ZNF385D: variants seen among roughly 807,000 people sequenced by gnomAD.
ZNF385D encodes the protein zinc finger protein 385D.
Under a neutral mutation model 35.8 loss-of-function variants are expected in ZNF385D, and 15 were observed. The observed-to-expected ratio is 0.42, with a 90% CI of 0.28 to 0.64. The LOEUF (loss-of-function observed/expected upper bound fraction) is 0.64. Among genes scored for constraint, ZNF385D ranks in the 30% least tolerant of loss-of-function variants. The probability of loss-of-function intolerance (pLI) is 0.23; values close to 1 mark genes in which losing one functional copy is unlikely to be tolerated. For missense variants in ZNF385D, 474 were observed against 494.6 expected (o/e 0.96, Z 0.39); for synonymous variants, 212 against 186.8 (o/e 1.13, Z -1.10).
intron 2 of ZNF385D, among the ~76,000 whole-genome samples, chr3:21,569,692 G>A (rs539179207): frequency 1.5e-4 from 22 of 151,444 alleles, no homozygotes; most frequent in Non-Finnish European, 2.1e-4. Flanking sequence ...ATTTTGCAGC[G>A]GCTGGCACAT....
At chr3:21,508,512 C>T (rs1428584078) in intron 4 of ZNF385D, among the ~76,000 whole-genome samples, 2 of 152,086 alleles carry the variant, frequency 1.3e-5, no homozygotes, top group African/African-American at 2.4e-5. Flanking sequence ...CTGCCTCCCC[C>T]TTCCAATTAC....
At chr3:21,494,616 C>T (rs189636947) in intron 4 of ZNF385D, among the ~76,000 whole-genome samples, 112 of 152,234 alleles carry the variant, frequency 7.4e-4, no homozygotes, top group African/African-American at 2.6e-3. Context: ...GTCAATTTTC[C>T]TAACTCAGAA....
intron 2 of ZNF385D, among the ~76,000 whole-genome samples, chr3:22,291,953 A>G (rs1021324007): frequency 6.6e-6 from 1 of 151,934 alleles, no homozygotes; most frequent in African/African-American, 2.4e-5. Flanking sequence ...ATCATGTTTT[A>G]TTCATATAAT....
intron 2 of ZNF385D, among the ~76,000 whole-genome samples, chr3:22,360,242 G>A (rs745894829): frequency 6.6e-6 from 1 of 151,872 alleles, no homozygotes; most frequent in Non-Finnish European, 1.5e-5. Context: ...TCTTTAAAAC[G>A]TGTGCCTGGT....
intron 2 of ZNF385D, among the ~76,000 whole-genome samples, chr3:22,194,907 T>G (rs947117367): frequency 9.2e-5 from 14 of 151,942 alleles, no homozygotes; most frequent in African/African-American, 3.1e-4. Context: ...TGAAGGACAC[T>G]AGCGTTTTTC....
At chr3:21,568,261 A>C (rs2063216972) in intron 2 of ZNF385D, among the ~76,000 whole-genome samples, 1 of 152,286 alleles carries the variant, frequency 6.6e-6, no homozygotes, top group African/African-American at 2.4e-5. Context: ...CTAAATAATA[A>C]CCAGTTCTGT....
chr3:22,042,169 T>A (rs921700474), intron 3 of ZNF385D, among the ~76,000 whole-genome samples: 1 of 152,100 alleles, frequency 6.6e-6, no homozygotes, highest in Non-Finnish European at 1.5e-5. Flanking sequence ...ACTACCTGGA[T>A]CCAAACTCTT....
In ZNF385D at chr3:22,034,828, C is replaced by T. The variant is rs557130645; in HGVS notation, c.325+133989G>A. On this transcript the variant is annotated intron_variant, in intron 3 of 5. Coordinates refer to the ZNF385D transcript ENST00000494108. ...AAATATTTTACATTTTAAAACTGTC[C>T]TTGATATTCTAGGTGAAAGAAATGT... Among the ~76,000 whole-genome samples, 7 of 151,870 alleles carry T rather than the reference C, an allele frequency of 4.6e-5. No individual in the cohort carries two copies. The South Asian group carries it at 1.5e-3, about 32-fold the overall frequency.
At chr3:21,873,891 T>C (rs1383008976) in intron 3 of ZNF385D, among the ~76,000 whole-genome samples, 2 of 152,128 alleles carry the variant, frequency 1.3e-5, no homozygotes, top group East Asian at 1.9e-4. Flanking sequence ...TCTCCATGAA[T>C]GTTTAGGTTG....
intron 3 of ZNF385D, among the ~76,000 whole-genome samples, chr3:22,094,387 T>G (rs9880001): frequency 0.015 from 279 of 18,008 alleles, 4 homozygotes; most frequent in Middle Eastern, 0.042. Flanking sequence ...TTATTGTTGA[T>G]ATATATATAT....
At chr3:21,742,908 A>G (rs2069587050) in intron 1 of ZNF385D, among the ~76,000 whole-genome samples, 1 of 152,214 alleles carries the variant, frequency 6.6e-6, no homozygotes, top group Non-Finnish European at 1.5e-5. Context: ...CTCAATTTTC[A>G]TACATTTGTA....
At chr3:21,914,269 T>A (rs965593998) in intron 3 of ZNF385D, among the ~76,000 whole-genome samples, 3 of 152,068 alleles carry the variant, frequency 2.0e-5, no homozygotes, top group African/African-American at 7.2e-5. Context: ...AGTTAACACT[T>A]ATATTTTTTA....
At chr3:21,510,698 G>C (rs935523219) in intron 4 of ZNF385D, among the ~76,000 whole-genome samples, 163 bp downstream of exon 4, 3 of 152,184 alleles carry the variant, frequency 2.0e-5, no homozygotes, top group African/African-American at 7.2e-5. Flanking sequence ...TAATCTTGCA[G>C]GGGTTTGGAA....
At position 21,421,139 on chromosome 3, in the gene ZNF385D, G is replaced by A. The variant is rs929599779; in HGVS notation, c.*75C>T. The A allele has an allele frequency of 4.5e-6, 5 of 1,122,534 alleles. No homozygotes were observed. The African/African-American group carries it at 4.9e-5, about 11-fold the overall frequency. The allele number at this position is 1,122,534 out of a possible 1,614,324, so 69.5% of individuals were successfully genotyped here. On this transcript the variant is annotated 3_prime_UTR_variant, in exon 8 of 8. Transcript: ENST00000281523. The stretch of plus-strand genomic sequence containing the variant: ...ATACTTTAAACTATAAATAAACACT[G>A]CATAGTTCTCTTTTGTTTGTTTTGT...
At chr3:22,258,404 A>T (rs1317072666) in intron 2 of ZNF385D, among the ~76,000 whole-genome samples, 8 of 151,938 alleles carry the variant, frequency 5.3e-5, no homozygotes, top group Middle Eastern at 3.4e-3. Flanking sequence ...TATAAAGTAA[A>T]TTGTGAAACA....
intron 3 of ZNF385D, among the ~76,000 whole-genome samples, chr3:22,002,383 C>T (rs1695896018): frequency 6.6e-6 from 1 of 152,064 alleles, no homozygotes; most frequent in Non-Finnish European, 1.5e-5. Context: ...CCTACCACAA[C>T]TGAAGCAGGA....
At chr3:22,082,307 C>T (rs545359800) in intron 3 of ZNF385D, among the ~76,000 whole-genome samples, 1 of 152,206 alleles carries the variant, frequency 6.6e-6, no homozygotes, top group East Asian at 1.9e-4. Flanking sequence ...CCAAGGGAAG[C>T]CATGACAGAC....
chr3:21,855,581 CT>C (rs56101408), intron 3 of ZNF385D, among the ~76,000 whole-genome samples: 4,671 of 152,024 alleles, frequency 0.031, 122 homozygotes, highest in South Asian at 0.05. Flanking sequence ...TTTAGTTTTC[CT>C]CACCATACTA....
At chr3:22,089,586 G>A (rs1054873290) in intron 3 of ZNF385D, among the ~76,000 whole-genome samples, 7 of 152,226 alleles carry the variant, frequency 4.6e-5, no homozygotes, top group African/African-American at 1.7e-4. Flanking sequence ...GAGAGCTCAT[G>A]ACCTCCGTGG....
Sources: allele counts gnomAD v4.1 joint callset (sites outside exome capture counted in the v4.1 genomes callset), GRCh38; gene constraint gnomAD v4.1.1; transcripts MANE v1.5; gene names NCBI Gene and HGNC (gene_info 2026-07-23, HGNC 2026-07-21).